The following RASA3 variants were observed in gnomAD, a reference collection of about 807,000 sequenced individuals.
RASA3 encodes RAS p21 protein activator 3, also known as ras GTPase-activating protein 3.
In RASA3, 73 loss-of-function variants were observed where a neutral mutation model predicts 110.0. That is an observed-to-expected ratio of 0.66 (90% CI 0.55 to 0.81). The LOEUF (loss-of-function observed/expected upper bound fraction) is 0.81. RASA3 is among the 30% of genes least tolerant of loss of function. The pLI is 0.00. For missense variants in RASA3, 976 were observed against 1,113.2 expected (o/e 0.88, Z 1.75); for synonymous variants, 500 against 451.4 (o/e 1.11, Z -1.37).
chr13:114,028,429 TG>T (rs1304378149), intron 5 of RASA3, among the ~76,000 whole-genome samples: 9 of 148,294 alleles, frequency 6.1e-5, no homozygotes, highest in South Asian at 4.3e-4. Flanking sequence ...AGCATCATCC[TG>T]GGGGCCAGGA....
At position 114,096,097 on chromosome 13, in the gene RASA3, C is replaced by T. The variant is rs540007214; in HGVS notation, c.56-22260G>A. Among the ~76,000 whole-genome samples the T allele has an allele frequency of 8.0e-4, 122 of 152,136 alleles. No individual in the cohort carries two copies. The highest frequency in any genetic ancestry group is 1.4e-3 in the Non-Finnish European group (98 of 67,988). On this transcript the variant is annotated intron_variant, in intron 1 of 23. Transcript: ENST00000334062. The surrounding 1 kb of genome is among the most constrained non-coding windows in gnomAD (Gnocchi z 5.1). ...GGGGGTGCTCTCCAGGTGGCCCTGG[C>T]GGCATCGGTGTGCTGGGAAGGGGGT...
chr13:114,112,604 G>A lies in RASA3; in HGVS notation c.55+19831C>T, dbSNP rs556195395. On this transcript the variant is annotated intron_variant, in intron 1 of 23. Coordinates refer to ENST00000334062, the MANE Select transcript of RASA3 (RefSeq NM_007368.4). The surrounding 1 kb of genome is among the most constrained non-coding windows in gnomAD (Gnocchi z 4.8). ...CTGGTGCTGCAGGTATGGGGACCCC[G>A]CTAGGAGAGCCCCGGGTTAAGGGTT... Among the ~76,000 whole-genome samples, 2 of 152,142 alleles carry A rather than the reference G, an allele frequency of 1.3e-5. No individual in the cohort carries two copies. Among genetic ancestry groups the A allele is most frequent in the South Asian group, 4.1e-4 (2 of 4,824 alleles).
chr13:114,092,126 C>T (rs2079896656), intron 1 of RASA3, among the ~76,000 whole-genome samples: 1 of 151,376 alleles, frequency 6.6e-6, no homozygotes, highest in African/African-American at 2.4e-5. Flanking sequence ...ATCAGCTTTT[C>T]ATTGTGTTGA....
chr13:113,994,310 T>C (rs183598085), intron 21 of RASA3, among the ~76,000 whole-genome samples: 7 of 152,302 alleles, frequency 4.6e-5, no homozygotes, highest in East Asian at 1.9e-4. Flanking sequence ...ATTGATAAAA[T>C]TGTGTCACTT....
At chr13:114,013,612 CCCCCT>C (rs1400969769) in intron 14 of RASA3, among the ~76,000 whole-genome samples, 1 of 104,068 alleles carries the variant, frequency 9.6e-6, no homozygotes, top group African/African-American at 4.5e-5. Context: ...GGCTCTCTCC[CCCCCT>C]CCATCTGTCT....
rs2139281449 is a variant in RASA3 at position 114,015,209 on chromosome 13, C to A, written c.1405G>T (p.Asp469Tyr). 1 of 1,612,946 alleles carries A rather than the reference C, an allele frequency of 6.2e-7. No homozygotes were observed. The highest frequency in any genetic ancestry group is 1.7e-4 in the Middle Eastern group (1 of 6,058). Residue 469 changes from aspartate to tyrosine, a missense_variant and splice_region_variant, in exon 14 of 24, where the codon GAT (aspartate) becomes TAT (tyrosine). Asp to Tyr is a radical substitution (Grantham distance 160). Coordinates refer to ENST00000334062, the MANE Select transcript of RASA3 (RefSeq NM_007368.4). ...LREAAAKRFQ[D>Y]DPDVRYTAVS... is the part of the protein sequence containing the mutation. ...ACATGAGGGTGTTCAGGGCACTCAC[C>A]CTGGAAGCGCTTGGCCGCCGCCTCC...
chr13:114,051,711 G>C (rs540387527), intron 3 of RASA3, among the ~76,000 whole-genome samples: 2 of 152,132 alleles, frequency 1.3e-5, no homozygotes, highest in South Asian at 4.2e-4. Flanking sequence ...GAGGAGGGAG[G>C]CCCCACATCC....
chr13:114,021,799 C>T (rs370255876), intron 8 of RASA3, among the ~76,000 whole-genome samples: 17 of 152,020 alleles, frequency 1.1e-4, no homozygotes, highest in Admixed American at 5.9e-4. Context: ...GGCATCGCTG[C>T]GTGCACCCAG....
At chr13:114,100,582 C>T (rs1242310659) in intron 1 of RASA3, among the ~76,000 whole-genome samples, 4 of 152,238 alleles carry the variant, frequency 2.6e-5, no homozygotes, top group Non-Finnish European at 5.9e-5. Flanking sequence ...AAGACAAGTG[C>T]AGCAGCCGGC....
intron 1 of RASA3, among the ~76,000 whole-genome samples, chr13:114,122,097 A>T (rs1566589203): frequency 6.6e-6 from 1 of 152,198 alleles, no homozygotes; most frequent in Non-Finnish European, 1.5e-5. Flanking sequence ...GAGGGAGAGG[A>T]TCTGGGAGGC....
intron 2 of RASA3, among the ~76,000 whole-genome samples, chr13:114,055,451 G>A (rs537255385): frequency 2.0e-5 from 3 of 152,340 alleles, no homozygotes; most frequent in African/African-American, 4.8e-5. Flanking sequence ...GGTGCTCTGC[G>A]GACAGCGTCC....
At position 114,013,273 on chromosome 13, in the gene RASA3, C is replaced by T. The variant is rs761628369; in HGVS notation, c.1406-25G>A. On this transcript the variant is annotated intron_variant, in intron 14 of 23. Transcript: ENST00000334062. ...TCTGCGGGAGAGAGAAGCAGGGTGA[C>T]CGTTTTCCTCGGGCACAATGGCCTC... 43 of 1,582,732 alleles carry T rather than the reference C, an allele frequency of 2.7e-5. 1 individual carries two copies. The South Asian group carries it at 4.7e-4, about 17-fold the overall frequency.
In RASA3 at chr13:114,018,265, G is replaced by T. The variant is rs1053169885; in HGVS notation, c.943-13C>A. 17 of 1,548,236 alleles carry T rather than the reference G, an allele frequency of 1.1e-5. No individual in the cohort carries two copies. Among genetic ancestry groups the T allele is most frequent in the Admixed American group, 2.0e-5 (1 of 51,030 alleles). On this transcript the variant is annotated splice_polypyrimidine_tract_variant and intron_variant, in intron 10 of 23. Transcript: ENST00000334062. The stretch of plus-strand genomic sequence containing the variant: ...ACGCTGACACGGGCTGCGGGGAGGG[G>T]TGAGGTCAGTGCCAGGGCCCGGGGT...
intron 1 of RASA3, among the ~76,000 whole-genome samples, chr13:114,124,157 T>G (rs1221993386): frequency 3.9e-5 from 6 of 152,174 alleles, no homozygotes; most frequent in Non-Finnish European, 2.9e-5. Context: ...AGCAGGGCAC[T>G]GACTGTCCCC....
chr13:114,021,287 G>A (rs1170748161), intron 9 of RASA3, 117 bp downstream of exon 9: 2 of 834,118 alleles, frequency 2.4e-6, no homozygotes, highest in Non-Finnish European at 3.9e-6. Context: ...GAGCAGGTGG[G>A]TGCTGGGCAC....
At chr13:113,990,869 T>C (rs2053093733) in intron 22 of RASA3, among the ~76,000 whole-genome samples, 1 of 152,260 alleles carries the variant, frequency 6.6e-6, no homozygotes, top group South Asian at 2.1e-4. Context: ...TGTGTGTACA[T>C]GGCTATGCAT....
chr13:114,103,823 C>T (rs1176929609), intron 1 of RASA3, among the ~76,000 whole-genome samples: 2 of 23,240 alleles, frequency 8.6e-5, no homozygotes, highest in African/African-American at 5.3e-4. Flanking sequence ...ACACTGCCGC[C>T]GACCACAGAC....
At chr13:114,061,995 C>T (rs9525229) in intron 2 of RASA3, among the ~76,000 whole-genome samples, 15,795 of 152,090 alleles carry the variant, frequency 0.1, 1,099 homozygotes, top group African/African-American at 0.19. Context: ...CCAGATCCCA[C>T]GGTGGGCAGA....
chr13:114,121,843 C>T (rs746208062), intron 1 of RASA3, among the ~76,000 whole-genome samples: 12 of 152,340 alleles, frequency 7.9e-5, no homozygotes, highest in Non-Finnish European at 1.2e-4. Context: ...CCCCGCCACA[C>T]GCTCAGGAAG....
Sources: allele counts gnomAD v4.1 joint callset (sites outside exome capture counted in the v4.1 genomes callset), GRCh38; gene constraint gnomAD v4.1.1; non-coding constraint Gnocchi (gnomAD v3.1); transcripts MANE v1.5; gene names NCBI Gene and HGNC (gene_info 2026-07-23, HGNC 2026-07-21).